BRSK1: variants seen among roughly 807,000 people sequenced by gnomAD.
BRSK1 encodes serine/threonine-protein kinase BRSK1.
BRSK1 carries 17 observed loss-of-function variants against 86.2 expected under a neutral mutation model. The ratio of observed to expected loss-of-function variants is 0.20; its 90% CI spans 0.14 to 0.30. The LOEUF (loss-of-function observed/expected upper bound fraction) is 0.30, where lower values mean the gene tolerates loss of function less well. Among genes scored for constraint, BRSK1 ranks in the 10% least tolerant of loss-of-function variants. The pLI is 1.00. For missense variants in BRSK1, 719 were observed against 1,071.9 expected (o/e 0.67, Z 4.60); for synonymous variants, 464 against 440.1 (o/e 1.05, Z -0.68).
chr19:55,291,346 C>G (rs2088403092), intron 4 of BRSK1, among the ~76,000 whole-genome samples: 2 of 150,858 alleles, frequency 1.3e-5, no homozygotes, highest in Admixed American at 1.3e-4. Context: ...CGAGACCAGC[C>G]TGGGCAACAA....
At chr19:55,299,711 C>T (rs370513812) in intron 7 of BRSK1, among the ~76,000 whole-genome samples, 27 of 152,122 alleles carry the variant, frequency 1.8e-4, no homozygotes, top group African/African-American at 3.1e-4. Flanking sequence ...TAATCCAGAC[C>T]GTACCCTTCC....
intron 7 of BRSK1, among the ~76,000 whole-genome samples, chr19:55,300,822 CAA>C (rs908544798): frequency 1.7e-4 from 26 of 152,248 alleles, no homozygotes; most frequent in African/African-American, 5.1e-4. Context: ...GCCTGGGCGA[CAA>C]GAGCGAAACT....
intron 1 of BRSK1, among the ~76,000 whole-genome samples, chr19:55,285,107 G>A (rs1345699076): frequency 6.6e-6 from 1 of 150,658 alleles, no homozygotes; most frequent in Non-Finnish European, 1.5e-5. Flanking sequence ...GAGGGAGGAG[G>A]GACTGCGGTC....
intron 7 of BRSK1, among the ~76,000 whole-genome samples, chr19:55,300,874 T>C (rs941402520): frequency 6.6e-6 from 1 of 151,978 alleles, no homozygotes; most frequent in Non-Finnish European, 1.5e-5. Flanking sequence ...AGAAAAGGTG[T>C]CAGCAGGGCC....
intron 7 of BRSK1, among the ~76,000 whole-genome samples, chr19:55,298,209 CTTTTTTTTTTTT>C (rs71181751): frequency 8.6e-5 from 6 of 69,622 alleles, no homozygotes; most frequent in Admixed American, 1.8e-4. Flanking sequence ...TTTGTTTCTT[CTTTTTTTTTTTT>C]TTTTTTTTTT....
intron 7 of BRSK1, among the ~76,000 whole-genome samples, chr19:55,295,931 T>C (rs1261490570): frequency 6.6e-6 from 1 of 152,178 alleles, no homozygotes. Flanking sequence ...ATCGCGTCAC[T>C]GCACTCCAGC....
chr19:55,289,674 C>A lies in BRSK1; in HGVS notation c.458+54C>A, dbSNP rs539959108. ...GGCTGAGGGCTGCCCAGCAGACAGG[C>A]CCTTGGGGGCATGTGGAGGGCTGAG... On this transcript the variant is annotated intron_variant, in intron 4 of 18. Transcript: ENST00000309383. 15 of 1,590,982 alleles carry A rather than the reference C, an allele frequency of 9.4e-6. No individual in the cohort carries two copies. In the African/African-American group the frequency reaches 1.9e-4, roughly 20 times the overall value.
chr19:55,307,335 A>G (rs1421808516), intron 17 of BRSK1, among the ~76,000 whole-genome samples: 1 of 151,790 alleles, frequency 6.6e-6, no homozygotes, highest in Non-Finnish European at 1.5e-5. Context: ...TGAGACGAGC[A>G]GGTCAGAAGT....
chr19:55,307,074 T>A (rs964056673), intron 17 of BRSK1, among the ~76,000 whole-genome samples: 9 of 152,186 alleles, frequency 5.9e-5, no homozygotes, highest in African/African-American at 2.2e-4. Context: ...CTGCTTTCTG[T>A]TTGGTCCCTC....
In BRSK1 at chr19:55,286,974, G is replaced by A. The variant is rs374850217; in HGVS notation, c.137-33G>A. 1.9e-4 allele frequency: 300 copies of A among 1,608,732 alleles called. 1 individual carries two copies. Among genetic ancestry groups the A allele is most frequent in the South Asian group, 1.4e-3 (131 of 90,972 alleles). ...GCGCTGGGGACGAAGGGGACCCGGC[G>A]GAACACCCCACATTTTCACCCTGCT... is the stretch of plus-strand genomic sequence containing the variant. On this transcript the variant is annotated intron_variant, in intron 1 of 18. Coordinates refer to ENST00000309383, the MANE Select transcript of BRSK1 (RefSeq NM_032430.2).
At position 55,308,641 on chromosome 19, in the gene BRSK1, C is replaced by T. The variant is rs1568990131; in HGVS notation, c.2092C>T (p.Pro698Ser). The change falls in exon 18 of 19, where the codon CCC becomes TCC. Residue 698 changes from proline (P) to serine (S), a missense_variant and splice_region_variant. Transcript: ENST00000309383. ...YSVTFTLISG[P>S]SRRFKRVVET... is the part of the protein sequence containing the mutation. ...TTTCTGCCCGCCTGTGCCTCTAGGT[C>T]CCAGCCGTCGGTTCAAGCGAGTGGT... 8 of 1,610,014 alleles carry T rather than the reference C, an allele frequency of 5.0e-6. No individual in the cohort carries two copies. The highest frequency in any genetic ancestry group is 2.5e-6 in the Non-Finnish European group (3 of 1,178,140).
Position 55,303,970 on chromosome 19 carries a change from A to G in BRSK1, c.1287-80A>G. ...GGGCCTCATTTCCTCACCTGGAAGG[A>G]CTGTAGAAGTGAGGGAACATCTGTG... On this transcript the variant is annotated intron_variant, in intron 12 of 18. Coordinates refer to ENST00000309383, the MANE Select transcript of BRSK1 (RefSeq NM_032430.2). The surrounding 1 kb of genome is among the most constrained non-coding windows in gnomAD (Gnocchi z 5.1). 1 of 1,526,568 alleles carries G rather than the reference A, an allele frequency of 6.6e-7. No individual in the cohort carries two copies. The highest frequency in any genetic ancestry group is 8.8e-7 in the Non-Finnish European group (1 of 1,132,348). The allele number at this position is 1,526,568 out of a possible 1,614,324, so 94.6% of individuals were successfully genotyped here. A position where few individuals can be genotyped will look rare whatever the true frequency, so the allele number is the denominator to read the frequency against.
chr19:55,284,498 A>ACCCCCCCCC lies in BRSK1; in HGVS notation c.61_62insCCCCCCCCC (p.Pro20_His21insProProPro). On this transcript the variant is annotated inframe_insertion, in exon 1 of 19. Coordinates refer to ENST00000309383, the MANE Select transcript of BRSK1 (RefSeq NM_032430.2). ...GGCTCTCCCGCCTACCACCTCCCCCACCCCCACCCCCACCCACCCCAGCAC... is the reference window on the plus strand; with the variant it reads ...GGCTCTCCCGCCTACCACCTCCCCCACCCCCCCCCCCCCCACCCCCACCCACCCCAGCAC... 9.2e-5 allele frequency: 37 copies of ACCCCCCCCC among 403,732 alleles called. No individual in the cohort carries two copies. The highest frequency in any genetic ancestry group is 1.3e-4 in the Non-Finnish European group (33 of 251,848). 25.0% of individuals were successfully genotyped at this position (403,732 alleles called of 1,614,324 possible).
rs750993052 is a variant in BRSK1, at chr19:55,304,846, C to G, written c.1643C>G (p.Ala548Gly). Residue 548 changes from alanine (A) to glycine (G), a missense_variant, in exon 14 of 19, where the codon GCC becomes GGC. Coordinates refer to ENST00000309383, the MANE Select transcript of BRSK1 (RefSeq NM_032430.2). The surrounding 1 kb of genome is among the most constrained non-coding windows in gnomAD (Gnocchi z 5.2). ...CCCGGCGGTGGCGTCGGGGGAGCCG[C>G]CTGGAGGAGTCGTCTCAACTCCATC... The part of the protein sequence containing the change: ...PSPGGGVGGA[A>G]WRSRLNSIRN... 2 of 1,607,438 alleles carry G rather than the reference C, an allele frequency of 1.2e-6. No individual in the cohort carries two copies. The highest frequency in any genetic ancestry group is 1.7e-5 in the Admixed American group (1 of 59,662).
In BRSK1 at chr19:55,304,986, G is replaced by T. The variant is rs1045199129; in HGVS notation, c.1717+66G>T. On this transcript the variant is annotated intron_variant, in intron 14 of 18. Transcript: ENST00000309383. The surrounding 1 kb of genome is among the most constrained non-coding windows in gnomAD (Gnocchi z 5.2). ...GTTGGGGCTAAAAATCTGGTTCCAG[G>T]GATGTCCGTCTGGCGTGTCTAGAGA... The T allele has an allele frequency of 1.3e-6, 2 of 1,583,292 alleles. No homozygotes were observed. The highest frequency in any genetic ancestry group is 1.1e-5 in the South Asian group (1 of 88,966).
At position 55,304,996 on chromosome 19, in the gene BRSK1, C is replaced by A; in HGVS notation, c.1717+76C>A. The stretch of plus-strand genomic sequence containing the variant: ...AAAATCTGGTTCCAGGGATGTCCGT[C>A]TGGCGTGTCTAGAGAGGAAGGGACT... On this transcript the variant is annotated intron_variant, in intron 14 of 18. Coordinates refer to ENST00000309383, the MANE Select transcript of BRSK1 (RefSeq NM_032430.2). The surrounding 1 kb of genome is among the most constrained non-coding windows in gnomAD (Gnocchi z 5.2). 1.3e-6 allele frequency: 2 copies of A among 1,571,728 alleles called. No homozygotes were observed.
chr19:55,304,704 C>T lies in BRSK1; in HGVS notation c.1501C>T (p.Pro501Ser). Reference sequence around the variant, plus strand: ...CCCGCCCCCCAGTGCCCGCTCCACACCCCTGCCCGGCCCCCCAGGCTCCCC... The same window carrying T: ...CCCGCCCCCCAGTGCCCGCTCCACATCCCTGCCCGGCCCCCCAGGCTCCCC... The part of the protein sequence containing the change: ...QPPPPSARST[P>S]LPGPPGSPRS... Residue 501 changes from proline to serine, a missense_variant, in exon 14 of 19, where the codon CCC becomes TCC. Transcript: ENST00000309383. This position sits in a 1 kb window ranked among gnomAD's most constrained non-coding sequence, Gnocchi z 5.2. 1 of 1,495,752 alleles carries T rather than the reference C, an allele frequency of 6.7e-7. No homozygotes were observed. The highest frequency in any genetic ancestry group is 8.9e-7 in the Non-Finnish European group (1 of 1,129,198). 92.7% of individuals were successfully genotyped at this position (1,495,752 alleles called of 1,614,324 possible). A position where few individuals can be genotyped will look rare whatever the true frequency, so the allele number is the denominator to read the frequency against.
chr19:55,288,305 G>A (rs903194249), intron 3 of BRSK1, among the ~76,000 whole-genome samples: 8 of 151,722 alleles, frequency 5.3e-5, no homozygotes, highest in Admixed American at 1.3e-4. Flanking sequence ...GCAAAACCCC[G>A]TCTCTACAAA....
chr19:55,284,081 CGTGGGGGG>C lies in BRSK1; in HGVS notation c.-360_-353del. ...AGGAGGAGGCGGAGGAGAGAGGGCG[CGTGGGGGG>C]GCGGGGGGGACCTCGGCCTGCAGCA... On this transcript the variant is annotated 5_prime_UTR_variant, in exon 1 of 19. An upstream open reading frame in the 5' UTR loses its in-frame stop. Coordinates refer to ENST00000309383, the MANE Select transcript of BRSK1 (RefSeq NM_032430.2). The C allele has an allele frequency of 6.4e-6, 2 of 312,834 alleles. No individual in the cohort carries two copies. Among genetic ancestry groups the C allele is most frequent in the Non-Finnish European group, 9.8e-6 (2 of 204,610 alleles). The allele number at this position is 312,834 out of a possible 1,614,324, so 19.4% of individuals were successfully genotyped here. A position where few individuals can be genotyped will look rare whatever the true frequency, so the allele number is the denominator to read the frequency against.
Sources: allele counts gnomAD v4.1 joint callset (sites outside exome capture counted in the v4.1 genomes callset), GRCh38; gene constraint gnomAD v4.1.1; non-coding constraint Gnocchi (gnomAD v3.1); transcripts MANE v1.5; gene names NCBI Gene and HGNC (gene_info 2026-07-23, HGNC 2026-07-21).